Variants in RNLS observed in about 807,000 individuals in gnomAD.
RNLS encodes the protein renalase, FAD dependent amine oxidase, also known as renalase.
A neutral mutation model predicts 39.8 loss-of-function variants in RNLS; 39 were observed. The observed-to-expected ratio is 0.98, with a 90% CI of 0.76 to 1.28. The LOEUF is 1.28. Ranked by LOEUF, RNLS falls within the 50% of genes most tolerant of loss-of-function variation. RNLS has a pLI of 0.00. For synonymous variants in RNLS, 147 were observed against 150.7 expected, an observed-to-expected ratio of 0.98 and a Z score of 0.18; for missense variants, 410 against 413.3, an observed-to-expected ratio of 0.99 and a Z score of 0.07.
At chr10:88,360,040 A>C (rs1849516549) in intron 5 of RNLS, among the ~76,000 whole-genome samples, 1 of 152,208 alleles carries the variant, frequency 6.6e-6, no homozygotes, top group Non-Finnish European at 1.5e-5. Context: ...CATTCTCTAA[A>C]ATGTCATGTG....
Position 88,572,653 on chromosome 10 carries a change from A to AT in RNLS, c.526+249_526+250insA, listed in dbSNP as rs2134445886. ...AGGCAAAATCATTTCATATCCATCA[A>AT]AAATACTGACGTGTTGAAGACATGG... On this transcript the variant is annotated intron_variant, in intron 4 of 6. Coordinates refer to ENST00000331772, the MANE Select transcript of RNLS (RefSeq NM_001031709.3). Among the ~76,000 whole-genome samples the AT allele has an allele frequency of 1.3e-5, 2 of 152,346 alleles. 1 individual carries two copies. The highest frequency in any genetic ancestry group is 3.9e-4 in the East Asian group (2 of 5,188).
the RNLS span, among the ~76,000 whole-genome samples, chr10:88,217,860 T>C: frequency 6.6e-6 from 1 of 150,410 alleles, no homozygotes; most frequent in Non-Finnish European, 1.5e-5. Context: ...GCCAACATGG[T>C]GAAAACCCAT....
intron 3 of RNLS, among the ~76,000 whole-genome samples, chr10:88,575,275 T>C (rs1420765585): frequency 6.8e-6 from 1 of 147,770 alleles, no homozygotes; most frequent in Non-Finnish European, 1.5e-5. Flanking sequence ...TATGTGTGTG[T>C]GTGTGTGTAT....
chr10:88,266,922 A>G, the RNLS span, among the ~76,000 whole-genome samples: 3 of 152,070 alleles, frequency 2.0e-5, no homozygotes, highest in Non-Finnish European at 2.9e-5. Flanking sequence ...CTAACAGTCA[A>G]TCTTTGCTCT....
At chr10:88,438,070 G>A (rs1327470906) in intron 4 of RNLS, among the ~76,000 whole-genome samples, 1 of 149,596 alleles carries the variant, frequency 6.7e-6, no homozygotes, top group Non-Finnish European at 1.5e-5. Context: ...AGGTTGCGGT[G>A]AGCTGAGATT....
the RNLS span, among the ~76,000 whole-genome samples, chr10:88,231,092 C>A: frequency 6.6e-6 from 1 of 152,174 alleles, no homozygotes; most frequent in Non-Finnish European, 1.5e-5. Flanking sequence ...AATCATATAG[C>A]ATTTTCTTTA....
chr10:88,217,874 T>C, the RNLS span, among the ~76,000 whole-genome samples: 1 of 151,736 alleles, frequency 6.6e-6, no homozygotes, highest in Non-Finnish European at 1.5e-5. Flanking sequence ...AACCCATCTC[T>C]ACTAAAAATA....
At chr10:88,229,526 T>C in the RNLS span, among the ~76,000 whole-genome samples, 11 of 152,252 alleles carry the variant, frequency 7.2e-5, no homozygotes, top group Non-Finnish European at 1.5e-4. Flanking sequence ...ACAGTTTACA[T>C]ATTATGTAAG....
chr10:88,416,728 T>A (rs1395635703), intron 4 of RNLS, among the ~76,000 whole-genome samples: 1 of 152,208 alleles, frequency 6.6e-6, no homozygotes, highest in Non-Finnish European at 1.5e-5. Flanking sequence ...AAATTCAATT[T>A]GTCCTATGTG....
chr10:88,396,836 A>G (rs1253967887), intron 4 of RNLS, among the ~76,000 whole-genome samples: 2 of 151,854 alleles, frequency 1.3e-5, no homozygotes, highest in African/African-American at 4.8e-5. Flanking sequence ...GAGTGGTTAC[A>G]CTAATACCAG....
intron 3 of RNLS, among the ~76,000 whole-genome samples, chr10:88,574,636 A>C (rs867366161): frequency 6.6e-6 from 1 of 152,190 alleles, no homozygotes. Flanking sequence ...TCCAGTTTTT[A>C]AAAAATCAAA....
intron 4 of RNLS, among the ~76,000 whole-genome samples, chr10:88,546,206 A>T (rs1410960940): frequency 6.6e-6 from 1 of 152,068 alleles, no homozygotes; most frequent in Non-Finnish European, 1.5e-5. Flanking sequence ...TAAGTATCAT[A>T]AGTATGTTTG....
At chr10:88,200,534 T>C in the RNLS span, among the ~76,000 whole-genome samples, 1 of 152,350 alleles carries the variant, frequency 6.6e-6, no homozygotes, top group African/African-American at 2.4e-5. Flanking sequence ...TTTGTATCTA[T>C]GTCTGTCTCC....
intron 6 of RNLS, among the ~76,000 whole-genome samples, chr10:88,286,960 A>T (rs1442371567): frequency 6.6e-6 from 1 of 150,926 alleles, no homozygotes; most frequent in African/African-American, 2.4e-5. Context: ...CTGACTAATT[A>T]AAAAAAAATT....
At chr10:88,563,436 C>T (rs996680555) in intron 4 of RNLS, among the ~76,000 whole-genome samples, 4 of 152,064 alleles carry the variant, frequency 2.6e-5, no homozygotes, top group African/African-American at 9.7e-5. Context: ...AATCAAAAGA[C>T]GAGAGCACTA....
At chr10:88,454,704 A>G (rs1310643942) in intron 4 of RNLS, among the ~76,000 whole-genome samples, 2 of 152,176 alleles carry the variant, frequency 1.3e-5, no homozygotes, top group African/African-American at 4.8e-5. Flanking sequence ...TTACAACTCA[A>G]TCTGGGTAGA....
chr10:88,336,391 G>A (rs1237927627), intron 5 of RNLS, among the ~76,000 whole-genome samples: 3 of 152,168 alleles, frequency 2.0e-5, no homozygotes, highest in East Asian at 1.9e-4. Context: ...GGCTACATAA[G>A]TTTGGATTTC....
intron 4 of RNLS, among the ~76,000 whole-genome samples, chr10:88,455,432 A>G (rs1341956125): frequency 2.6e-5 from 4 of 152,116 alleles, no homozygotes; most frequent in African/African-American, 4.8e-5. Flanking sequence ...TTTGAGACAG[A>G]GTCTTGCTCT....
chr10:88,523,830 C>A (rs1846907495), intron 4 of RNLS, among the ~76,000 whole-genome samples: 1 of 152,096 alleles, frequency 6.6e-6, no homozygotes, highest in South Asian at 2.1e-4. Context: ...TAAATTCACT[C>A]CTTCCTCCCT....
Sources: allele counts gnomAD v4.1 joint callset (sites outside exome capture counted in the v4.1 genomes callset), GRCh38; gene constraint gnomAD v4.1.1; transcripts MANE v1.5; gene names NCBI Gene and HGNC (gene_info 2026-07-23, HGNC 2026-07-21).